Variants in DHRSX observed in about 807,000 individuals in gnomAD.
DHRSX encodes the protein dehydrogenase/reductase X-linked.
DHRSX carries 31 observed loss-of-function variants against 34.0 expected under a neutral mutation model. The observed-to-expected ratio is 0.91, with a 90% CI of 0.69 to 1.23. The LOEUF (loss-of-function observed/expected upper bound fraction) is 1.23. Ranked by LOEUF, DHRSX falls within the 50% of genes most tolerant of loss-of-function variation. DHRSX has a pLI of 0.00. For synonymous variants in DHRSX, 201 were observed against 183.8 expected, an observed-to-expected ratio of 1.09 and a Z score of -0.76; for missense variants, 414 against 428.1, an observed-to-expected ratio of 0.97 and a Z score of 0.29.
chrX:2,355,122 A>AAT (rs2042833029), intron 3 of DHRSX, among the ~76,000 whole-genome samples: 1 of 152,186 alleles, frequency 6.6e-6, no homozygotes, highest in Non-Finnish European at 1.5e-5. Context: ...GGAAAACACA[A>AAT]ATATACAGCC....
At chrX:2,308,886 G>C (rs778260711) in intron 3 of DHRSX, among the ~76,000 whole-genome samples, 1 of 139,354 alleles carries the variant, frequency 7.2e-6, no homozygotes, top group Admixed American at 7.5e-5. Context: ...GGGTGGAAAC[G>C]GGGAAGGAAG....
chrX:2,330,101 G>GGAGA (rs374466161), intron 3 of DHRSX, among the ~76,000 whole-genome samples: 5 of 51,698 alleles, frequency 9.7e-5, no homozygotes, highest in African/African-American at 3.4e-4. Context: ...GGGGAGGGAG[G>GGAGA]GAGAGAGAGA....
intron 1 of DHRSX, among the ~76,000 whole-genome samples, chrX:2,440,527 T>C (rs961056253): frequency 8.7e-5 from 13 of 150,244 alleles, no homozygotes; most frequent in Non-Finnish European, 1.5e-4. Flanking sequence ...AATGTTTTTC[T>C]TTCTTTCTTT....
At chrX:2,460,648 A>T (rs1311558862) in intron 1 of DHRSX, among the ~76,000 whole-genome samples, 1 of 147,470 alleles carries the variant, frequency 6.8e-6, no homozygotes, top group Admixed American at 6.9e-5. Flanking sequence ...CAGTGGTGCG[A>T]TCACGTTTCA....
intron 4 of DHRSX, among the ~76,000 whole-genome samples, chrX:2,268,511 T>C (rs2041505188): frequency 6.6e-6 from 1 of 152,250 alleles, no homozygotes; most frequent in African/African-American, 2.4e-5. Flanking sequence ...CATGTATGCA[T>C]AATTCAAAGA....
intron 5 of DHRSX, among the ~76,000 whole-genome samples, chrX:2,264,124 G>A (rs2041403788): frequency 6.6e-6 from 1 of 152,230 alleles, no homozygotes; most frequent in Admixed American, 6.5e-5. Context: ...CCCAAGGACA[G>A]CAAATGGCTG....
At chrX:2,310,559 TGTGA>T (rs2042151053) in intron 3 of DHRSX, among the ~76,000 whole-genome samples, 1 of 150,476 alleles carries the variant, frequency 6.6e-6, no homozygotes, top group South Asian at 2.1e-4. Context: ...TGTGTGTGTG[TGTGA>T]GAGAGAGAGA....
chrX:2,299,227 T>C (rs1227365932), intron 3 of DHRSX, among the ~76,000 whole-genome samples: 1 of 152,166 alleles, frequency 6.6e-6, no homozygotes, highest in East Asian at 1.9e-4. Context: ...GATGTGCTTT[T>C]CACAGTAACC....
chrX:2,460,962 C>T (rs748490688), intron 1 of DHRSX, among the ~76,000 whole-genome samples: 1 of 152,242 alleles, frequency 6.6e-6, no homozygotes, highest in African/African-American at 2.4e-5. Context: ...CAAAAATCAT[C>T]CTCCTGCCTC....
At chrX:2,427,202 A>G (rs1346877317) in intron 1 of DHRSX, among the ~76,000 whole-genome samples, 1 of 152,188 alleles carries the variant, frequency 6.6e-6, no homozygotes, top group Non-Finnish European at 1.5e-5. Flanking sequence ...GGTGAGAGCA[A>G]AAGTCTAGCA....
Position 2,432,603 on chromosome X carries a change from G to A in DHRSX, c.110-7299C>T, listed in dbSNP as rs151221274. Among the ~76,000 whole-genome samples, 8 of 152,262 alleles carry A rather than the reference G, an allele frequency of 5.3e-5. No individual in the cohort carries two copies. The East Asian group carries it at 1.5e-3, about 29-fold the overall frequency. ...ACGACAAAAGGGGCAAAAGATGGGC[G>A]TTTTAATAAACCGTGTTGGGGCACG... On this transcript the variant is annotated intron_variant, in intron 1 of 6. Transcript: ENST00000334651.
intron 5 of DHRSX, among the ~76,000 whole-genome samples, chrX:2,251,656 G>A (rs910768027): frequency 3.9e-5 from 6 of 152,068 alleles, no homozygotes; most frequent in African/African-American, 9.7e-5. Context: ...TACCCTTTCT[G>A]CAGAAAGTAA....
intron 3 of DHRSX, among the ~76,000 whole-genome samples, chrX:2,309,603 C>T (rs1197674253): frequency 6.6e-6 from 1 of 152,088 alleles, no homozygotes; most frequent in African/African-American, 2.4e-5. Flanking sequence ...CCTTGTAACC[C>T]AACTGGGCTA....
intron 3 of DHRSX, among the ~76,000 whole-genome samples, chrX:2,384,486 C>T (rs1398795996): frequency 6.6e-6 from 1 of 152,078 alleles, no homozygotes. Flanking sequence ...AAAGAAGCCA[C>T]ACAGGAGGGT....
chrX:2,348,044 C>CAAACCCACAGTCAGGCAGG (rs1425738400), intron 3 of DHRSX, among the ~76,000 whole-genome samples: 1 of 152,162 alleles, frequency 6.6e-6, no homozygotes, highest in Non-Finnish European at 1.5e-5. Context: ...ACTCCTCAGC[C>CAAACCCACAGTCAGGCAGG]AAACCCACAG....
At chrX:2,291,879 AATTTTTGT>A (rs1286980377) in intron 3 of DHRSX, among the ~76,000 whole-genome samples, 17 of 142,340 alleles carry the variant, frequency 1.2e-4, no homozygotes, top group East Asian at 1.2e-3. Context: ...AGGCCCAGCT[AATTTTTGT>A]ATTTTTGTAT....
intron 3 of DHRSX, among the ~76,000 whole-genome samples, chrX:2,335,775 G>A (rs2124555758): frequency 6.6e-6 from 1 of 151,670 alleles, no homozygotes; most frequent in South Asian, 2.1e-4. Flanking sequence ...AATAAAACGG[G>A]AGGCAAGTTT....
At position 2,307,764 on chromosome X, in the gene DHRSX, C is replaced by CA. The variant is rs373601749; in HGVS notation, c.287-16162dup. Among the ~76,000 whole-genome samples the CA allele has an allele frequency of 4.9e-4, 55 of 112,234 alleles. 1 individual carries two copies. The East Asian group carries it at 5.9e-3, about 12-fold the overall frequency. 73.6% of individuals were successfully genotyped at this position (112,234 alleles called of 152,430 possible). A position where few individuals can be genotyped will look rare whatever the true frequency, so the allele number is the denominator to read the frequency against. ...TGGGCGACAGAGCAAGACTCCCTCT[C>CA]AAAAAAAAAAAAAAGTAATAAAAAT... is the stretch of plus-strand genomic sequence containing the variant. On this transcript the variant is annotated intron_variant, in intron 3 of 6. Transcript: ENST00000334651.
At chrX:2,270,180 C>G (rs1311414857) in intron 4 of DHRSX, among the ~76,000 whole-genome samples, 5 of 152,068 alleles carry the variant, frequency 3.3e-5, no homozygotes, top group African/African-American at 1.2e-4. Context: ...ATTTTTGATG[C>G]GTGTGCATTT....
Sources: gnomAD v4.1 joint callset for allele counts (sites outside exome capture counted in the v4.1 genomes callset) on GRCh38, gnomAD v4.1.1 for gene constraint, MANE v1.5 for transcripts, NCBI Gene and HGNC (gene_info 2026-07-23, HGNC 2026-07-21) for gene names.